Variants in ADGRL2 observed in about 807,000 individuals in gnomAD.
The protein encoded by ADGRL2 is adhesion G protein-coupled receptor L2, also known as calcium-independent alpha-latrotoxin receptor 2.
Under a neutral mutation model 157.4 loss-of-function variants are expected in ADGRL2, and 44 were observed. The ratio of observed to expected loss-of-function variants is 0.28; its 90% CI spans 0.22 to 0.36. The LOEUF (loss-of-function observed/expected upper bound fraction) is 0.36. Among genes scored for constraint, ADGRL2 ranks in the 10% least tolerant of loss-of-function variants. The pLI, the probability that ADGRL2 is intolerant of heterozygous loss-of-function variation, is 1.00. For missense variants in ADGRL2, 1,510 were observed against 1,768.9 expected (o/e 0.85, Z 2.63); for synonymous variants, 585 against 624.7 (o/e 0.94, Z 0.95).
intron 2 of ADGRL2, among the ~76,000 whole-genome samples, chr1:81,530,631 G>T (rs964233218): frequency 6.6e-6 from 1 of 152,074 alleles, no homozygotes; most frequent in African/African-American, 2.4e-5. Context: ...TTACAGGCGT[G>T]AGCCACCATG....
At chr1:81,711,315 T>C (rs1163034941) in intron 1 of ADGRL2, among the ~76,000 whole-genome samples, 1 of 152,220 alleles carries the variant, frequency 6.6e-6, no homozygotes, top group Non-Finnish European at 1.5e-5. Context: ...TGAATAACCA[T>C]CGTTTGTCTG....
chr1:81,893,125 A>G (rs2094305315), intron 2 of ADGRL2, among the ~76,000 whole-genome samples: 1 of 152,152 alleles, frequency 6.6e-6, no homozygotes, highest in African/African-American at 2.4e-5. Context: ...CCAGGCATGG[A>G]GATAGGCACA....
At chr1:81,732,161 G>A (rs2084747091) in intron 1 of ADGRL2, among the ~76,000 whole-genome samples, 1 of 152,194 alleles carries the variant, frequency 6.6e-6, no homozygotes, top group South Asian at 2.1e-4. Flanking sequence ...GGTCAGAGTA[G>A]ACACAGAAGA....
chr1:81,457,064 C>T (rs959894899), intron 2 of ADGRL2, among the ~76,000 whole-genome samples: 1 of 152,046 alleles, frequency 6.6e-6, no homozygotes, highest in African/African-American at 2.4e-5. Flanking sequence ...GAAGGCATCC[C>T]CCAATATGGT....
intron 1 of ADGRL2, among the ~76,000 whole-genome samples, chr1:81,717,799 G>A (rs1449820183): frequency 6.6e-6 from 1 of 152,136 alleles, no homozygotes; most frequent in East Asian, 1.9e-4. Context: ...TGTACATTGT[G>A]CTACAGAATA....
chr1:81,361,089 A>G (rs2075970452), intron 1 of ADGRL2, among the ~76,000 whole-genome samples: 1 of 152,036 alleles, frequency 6.6e-6, no homozygotes, highest in Non-Finnish European at 1.5e-5. Flanking sequence ...CTTCAGTCTT[A>G]TATTTTAAAA....
chr1:81,877,276 T>C (rs1324345236), intron 2 of ADGRL2, among the ~76,000 whole-genome samples: 1 of 152,168 alleles, frequency 6.6e-6, no homozygotes, highest in African/African-American at 2.4e-5. Flanking sequence ...GAGCATAATC[T>C]AGAGCTAGTC....
At chr1:81,867,450 A>T (rs1256235154) in intron 2 of ADGRL2, among the ~76,000 whole-genome samples, 2 of 152,360 alleles carry the variant, frequency 1.3e-5, no homozygotes, top group African/African-American at 2.4e-5. Context: ...TCAGATTTGT[A>T]TCAGCAAGTC....
At chr1:81,438,618 T>C (rs1186244566) in intron 1 of ADGRL2, among the ~76,000 whole-genome samples, 1 of 152,176 alleles carries the variant, frequency 6.6e-6, no homozygotes, top group Non-Finnish European at 1.5e-5. Flanking sequence ...AGTGCTTTTT[T>C]TCCCAGAGAG....
At chr1:81,506,530 G>A (rs2078978824) in intron 2 of ADGRL2, among the ~76,000 whole-genome samples, 1 of 151,906 alleles carries the variant, frequency 6.6e-6, no homozygotes, top group African/African-American at 2.4e-5. Context: ...GATGACATAA[G>A]GAGACCCCAT....
At position 81,951,971 on chromosome 1, in the gene ADGRL2, A is replaced by C. The variant is rs748714494; in HGVS notation, c.1623A>C (p.Glu541Asp). ...TGTTTTTTCAGATCAGAAGCGGAGA[A>C]AATGCTGCTAGTCTTGCCAATGAAC... ...NQLAQKIRSGENAASLANELA... is the reference protein window; with the variant it reads ...NQLAQKIRSGDNAASLANELA... Residue 541 changes from glutamate (E) to aspartate (D), a missense_variant, in exon 9 of 24, where the codon GAA (glutamate) becomes GAC (aspartate). Physicochemically the swap from Glu to Asp is conservative, Grantham distance 45. Around this residue, in one of 4 missense-constraint regions of ADGRL2, gnomAD observed 325 missense variants for 333.2 expected, o/e 0.98. Coordinates refer to ENST00000686636, the MANE Select transcript of ADGRL2 (RefSeq NM_001366006.2). The C allele has an allele frequency of 6.2e-7, 1 of 1,604,450 alleles. No individual in the cohort carries two copies. The highest frequency in any genetic ancestry group is 8.5e-7 in the Non-Finnish European group (1 of 1,175,662).
rs141036576 is a variant in ADGRL2 at position 81,969,262 on chromosome 1, A to G, written c.2608A>G (p.Ile870Val). The G allele has an allele frequency of 3.7e-6, 6 of 1,613,936 alleles. No homozygotes were observed. Among genetic ancestry groups the G allele is most frequent in the Non-Finnish European group, 4.2e-6 (5 of 1,179,926 alleles). The stretch of plus-strand genomic sequence containing the variant: ...TTCCCTTGTTTGCCTGGCTATCTGC[A>G]TCTTCACCTTCTGCTTTTTCCGTGG... ...VISLVCLAIC[I>V]FTFCFFRGLQ... Residue 870 changes from isoleucine (I) to valine (V), a missense_variant, in exon 15 of 24, where the codon ATC (isoleucine) becomes GTC (valine). Physicochemically the swap from Ile to Val is conservative, Grantham distance 29. Around this residue, in one of 4 missense-constraint regions of ADGRL2, gnomAD observed 497 missense variants for 627.2 expected, o/e 0.79. Transcript: ENST00000686636.
At chr1:81,868,962 G>A (rs1421461157) in intron 2 of ADGRL2, among the ~76,000 whole-genome samples, 1 of 152,084 alleles carries the variant, frequency 6.6e-6, no homozygotes, top group Non-Finnish European at 1.5e-5. Flanking sequence ...ATATGCAGGG[G>A]ATTTGAAAGG....
chr1:81,418,788 A>G (rs2077077036), intron 1 of ADGRL2, among the ~76,000 whole-genome samples: 2 of 152,200 alleles, frequency 1.3e-5, no homozygotes, highest in African/African-American at 4.8e-5. Flanking sequence ...TTCCAAATCA[A>G]ACTTTCTAAC....
At chr1:81,809,072 T>C (rs1187248960) in intron 1 of ADGRL2, among the ~76,000 whole-genome samples, 1 of 152,072 alleles carries the variant, frequency 6.6e-6, no homozygotes, top group Non-Finnish European at 1.5e-5. Context: ...AATCACGACC[T>C]GACAAGAAAA....
chr1:81,967,504 G>T (rs35690819), intron 13 of ADGRL2, among the ~76,000 whole-genome samples: 23,422 of 151,856 alleles, frequency 0.15, 2,219 homozygotes, highest in Middle Eastern at 0.33. Flanking sequence ...CTTGTGATCC[G>T]CCCGCCTCAG....
intron 3 of ADGRL2, among the ~76,000 whole-genome samples, chr1:81,651,741 G>A (rs557356909): frequency 6.6e-6 from 1 of 152,186 alleles, no homozygotes; most frequent in East Asian, 1.9e-4. Context: ...GTTTGTTTGT[G>A]TTTGTTTTTA....
At chr1:81,397,120 A>G (rs2076668755) in intron 1 of ADGRL2, among the ~76,000 whole-genome samples, 2 of 151,960 alleles carry the variant, frequency 1.3e-5, no homozygotes, top group South Asian at 4.2e-4. Context: ...TTTTATTTTT[A>G]TTACTGATTC....
chr1:81,783,477 C>G (rs993199406), intron 2 of ADGRL2, among the ~76,000 whole-genome samples: 6 of 151,876 alleles, frequency 4.0e-5, no homozygotes, highest in African/African-American at 1.4e-4. Flanking sequence ...TTCTTTGCCT[C>G]TATCTTCTTC....
Sources: gnomAD v4.1 joint callset for allele counts (sites outside exome capture counted in the v4.1 genomes callset) on GRCh38, gnomAD v4.1.1 for gene constraint, gnomAD v4.1.1 regional missense constraint, MANE v1.5 for transcripts, NCBI Gene and HGNC (gene_info 2026-07-23, HGNC 2026-07-21) for gene names.